Variants in SCARB2 observed in about 807,000 individuals in gnomAD.
SCARB2 encodes the protein scavenger receptor class B member 2.
Under a neutral mutation model 58.6 loss-of-function variants are expected in SCARB2, and 29 were observed. The ratio of observed to expected loss-of-function variants is 0.49; its 90% CI spans 0.37 to 0.67. The LOEUF is 0.67. SCARB2 is among the 30% of genes least tolerant of loss of function. The pLI is 0.00. For missense variants in SCARB2, 488 were observed against 578.5 expected (o/e 0.84, Z 1.60); for synonymous variants, 195 against 210.1 (o/e 0.93, Z 0.62).
At chr4:76,176,575 A>G in intron 4 of SCARB2, 47 bp from the exon 5 acceptor site, 1 of 1,351,398 alleles carries the variant, frequency 7.4e-7, no homozygotes, top group Non-Finnish European at 1.1e-6. Context: ...TGATAATTTT[A>G]TGACAACTTG....
chr4:76,224,232 T>C (rs1010829017), intron 1 of SCARB2, among the ~76,000 whole-genome samples: 1 of 152,190 alleles, frequency 6.6e-6, no homozygotes, highest in Non-Finnish European at 1.5e-5. Flanking sequence ...CACACATAGT[T>C]CATCCGAAAT....
intron 1 of SCARB2, among the ~76,000 whole-genome samples, chr4:76,199,371 T>C (rs1732782631): frequency 6.6e-6 from 1 of 152,236 alleles, no homozygotes; most frequent in Non-Finnish European, 1.5e-5. Flanking sequence ...TATAATTATG[T>C]CCCAAATATT....
intron 1 of SCARB2, among the ~76,000 whole-genome samples, chr4:76,228,182 A>C (rs4530661): frequency 0.59 from 89,613 of 151,496 alleles, 28,094 homozygotes; most frequent in Non-Finnish European, 0.71. Flanking sequence ...TTTTATTTCA[A>C]GATTTAGAAT....
rs1375540840 is a variant in SCARB2 at position 76,200,901 on chromosome 4, A to G, written c.118-5037T>C. On this transcript the variant is annotated intron_variant, in intron 1 of 11. Coordinates refer to ENST00000264896, the MANE Select transcript of SCARB2 (RefSeq NM_005506.4). ...TGACAATACTGTATGTAGGCTCCTA[A>G]CTGGTCTCCCTCTCTCCAGCCTTTT... Among the ~76,000 whole-genome samples the G allele has an allele frequency of 2.0e-5, 3 of 152,122 alleles. No homozygotes were observed. The East Asian group carries it at 5.8e-4, about 29-fold the overall frequency.
intron 7 of SCARB2, among the ~76,000 whole-genome samples, chr4:76,171,261 T>C: frequency 6.6e-6 from 1 of 152,194 alleles, no homozygotes; most frequent in Admixed American, 6.5e-5. Context: ...TTTAAATCTG[T>C]TGAGGGCTTA....
rs2109974267 is a variant in SCARB2 at position 76,213,472 on chromosome 4, C to A, written c.72G>T (p.Leu24=). The change falls in exon 1 of 12, where the codon CTG becomes CTT. Residue 24 remains leucine (L), a synonymous_variant. Coordinates refer to ENST00000264896, the MANE Select transcript of SCARB2 (RefSeq NM_005506.4). The part of the protein sequence containing the change: ...LLLLVTSVTL[L]VARVFQKAVD... Reference sequence around the variant, plus strand: ...CAGCCTTCTGGAAGACCCGGGCCACCAGCAGCGTGACGCTGGTCACCAGCA... The same window carrying A: ...CAGCCTTCTGGAAGACCCGGGCCACAAGCAGCGTGACGCTGGTCACCAGCA... 1 of 1,610,934 alleles carries A rather than the reference C, an allele frequency of 6.2e-7. No individual in the cohort carries two copies. The highest frequency in any genetic ancestry group is 8.5e-7 in the Non-Finnish European group (1 of 1,178,630).
chr4:76,201,801 T>G (rs1732833665), intron 1 of SCARB2, among the ~76,000 whole-genome samples: 1 of 152,238 alleles, frequency 6.6e-6, no homozygotes, highest in Non-Finnish European at 1.5e-5. Flanking sequence ...AGATCTGTCT[T>G]TAGCAATTTT....
At chr4:76,178,788 T>A (rs1216935605) in intron 4 of SCARB2, among the ~76,000 whole-genome samples, 1 of 152,222 alleles carries the variant, frequency 6.6e-6, no homozygotes, top group Non-Finnish European at 1.5e-5. Flanking sequence ...TTTTAACAAT[T>A]TCTACGTTTT....
chr4:76,169,619 A>G (rs1211197512), intron 8 of SCARB2, among the ~76,000 whole-genome samples: 1 of 152,184 alleles, frequency 6.6e-6, no homozygotes, highest in Non-Finnish European at 1.5e-5. Context: ...CCAATAACTG[A>G]GTTTTCACTG....
chr4:76,233,602 A>G (rs949357351), intron 1 of SCARB2, among the ~76,000 whole-genome samples: 1 of 151,954 alleles, frequency 6.6e-6, no homozygotes, highest in African/African-American at 2.4e-5. Context: ...ACACACACAC[A>G]CATATGTAAC....
chr4:76,213,056 CT>C (rs201853080), intron 1 of SCARB2: 1 of 277,606 alleles, frequency 3.6e-6, no homozygotes, highest in Non-Finnish European at 7.3e-6. Context: ...TAACCTGCCT[CT>C]TCTGCGGTGT....
rs73826385 is a variant in SCARB2, at chr4:76,175,533, G to A, written c.824+258C>T. On this transcript the variant is annotated intron_variant, in intron 6 of 11. Transcript: ENST00000264896. ...TATCTTTGTTTTACAAATAAGGAAA[G>A]TGAGGTACAGAGTGGTTAAGTAATT... 4,423 of 487,252 alleles carry A rather than the reference G, an allele frequency of 9.1e-3. 170 individuals carry two copies. Among genetic ancestry groups the A allele is most frequent in the African/African-American group, 0.078 (4,025 of 51,342 alleles). The allele number at this position is 487,252 out of a possible 1,614,324, so 30.2% of individuals were successfully genotyped here. A position where few individuals can be genotyped will look rare whatever the true frequency, so the allele number is the denominator to read the frequency against.
chr4:76,161,789 T>C (rs1420164368), intron 11 of SCARB2, 38 bp from the exon 12 acceptor site: 2 of 1,610,268 alleles, frequency 1.2e-6, no homozygotes, highest in African/African-American at 1.3e-5. Flanking sequence ...TAGATGTTCA[T>C]GTCAGAAACT....
chr4:76,174,133 T>C lies in SCARB2; in HGVS notation c.994+11A>G, dbSNP rs1336476529. 6.2e-7 allele frequency: 1 copy of C among 1,613,390 alleles called. No individual in the cohort carries two copies. Among genetic ancestry groups the C allele is most frequent in the Non-Finnish European group, 8.5e-7 (1 of 1,179,974 alleles). ...TGACACCCCTATCATGTCCCCTCTC[T>C]GAGTTCTTACCATTCTTGCAGATGC... On this transcript the variant is annotated intron_variant, in intron 7 of 11. Coordinates refer to ENST00000264896, the MANE Select transcript of SCARB2 (RefSeq NM_005506.4).
chr4:76,181,148 T>C (rs1357823063), intron 2 of SCARB2, 47 bp from the exon 3 acceptor site: 35 of 1,565,986 alleles, frequency 2.2e-5, no homozygotes, highest in Non-Finnish European at 3.0e-5. Context: ...ACCACTTTAA[T>C]AAGCAAGACT....
At position 76,229,681 on chromosome 4, in the gene SCARB2, T is replaced by C. The variant is rs373436095; in HGVS notation, c.-358+4622A>G. On this transcript the variant is annotated intron_variant, in intron 1 of 11. Coordinates refer to the SCARB2 transcript ENST00000638295. ...GCTGAGAAATACCTGATTCCTGTGA[T>C]GTGATCCATCTTCAGGTTTCCCAGC... is the stretch of plus-strand genomic sequence containing the variant. 2.6e-5 allele frequency among the ~76,000 whole-genome samples: 4 copies of C among 152,342 alleles called. No individual in the cohort carries two copies. In the East Asian group the frequency reaches 7.7e-4, roughly 29 times the overall value.
Position 76,176,453 on chromosome 4 carries a change from C to G in SCARB2, c.688G>C (p.Glu230Gln). The G allele has an allele frequency of 1.2e-6, 2 of 1,610,700 alleles. No homozygotes were observed. Among genetic ancestry groups the G allele is most frequent in the Non-Finnish European group, 1.7e-6 (2 of 1,177,578 alleles). Residue 230 changes from glutamate (E) to glutamine (Q), a missense_variant, in exon 5 of 12, where the codon GAA becomes CAA. By Grantham distance (29) the Glu-to-Gln change is conservative. Transcript: ENST00000264896. ...TTGACTTACGTTTTCCCATTCCATT[C>G]CACAATTTTTGTAAAGTTAAGGTAA... ...DSYLNFTKIV[E>Q]WNGKTSLDWW...
chr4:76,170,791 A>T (rs1203379497), intron 7 of SCARB2, among the ~76,000 whole-genome samples: 2 of 152,214 alleles, frequency 1.3e-5, no homozygotes, highest in Non-Finnish European at 2.9e-5. Context: ...AAGTGCTGAG[A>T]TTACAGGCTT....
intron 2 of SCARB2, chr4:76,184,864 G>A (rs1732455541): frequency 3.2e-6 from 1 of 311,706 alleles, no homozygotes; most frequent in South Asian, 2.9e-5. Flanking sequence ...GACACATGAT[G>A]TGATGATCAA....
Sources: allele counts gnomAD v4.1 joint callset (sites outside exome capture counted in the v4.1 genomes callset), GRCh38; gene constraint gnomAD v4.1.1; transcripts MANE v1.5; gene names NCBI Gene and HGNC (gene_info 2026-07-23, HGNC 2026-07-21).